Variants in KIAA1549L observed in about 807,000 individuals in gnomAD.
The protein encoded by KIAA1549L is UPF0606 protein KIAA1549L.
In KIAA1549L, 88 loss-of-function variants were observed where a neutral mutation model predicts 160.7. That is an observed-to-expected ratio of 0.55 (90% CI 0.46 to 0.65). KIAA1549L has a LOEUF of 0.65. Ranked by LOEUF, KIAA1549L falls within the 30% of genes least tolerant of loss-of-function variation. The pLI, the probability that KIAA1549L is intolerant of heterozygous loss-of-function variation, is 0.00. For missense variants in KIAA1549L, 2,258 were observed against 2,437.5 expected, an observed-to-expected ratio of 0.93 and a Z score of 1.55; for synonymous variants, 950 against 976.7, an observed-to-expected ratio of 0.97 and a Z score of 0.51.
At chr11:33,530,496 A>G (rs1853744781) in intron 1 of KIAA1549L, among the ~76,000 whole-genome samples, 1 of 133,142 alleles carries the variant, frequency 7.5e-6, no homozygotes, top group Non-Finnish European at 1.6e-5. Context: ...CAAGATTTGC[A>G]AGTACCACTG....
intron 4 of KIAA1549L, among the ~76,000 whole-genome samples, chr11:33,548,417 A>C (rs1419304778): frequency 6.6e-6 from 1 of 152,136 alleles, no homozygotes; most frequent in Non-Finnish European, 1.5e-5. Context: ...ACACACAAAC[A>C]AACAAACAAG....
intron 15 of KIAA1549L, among the ~76,000 whole-genome samples, chr11:33,614,535 T>TATATAC (rs1850730928): frequency 6.7e-4 from 2 of 2,972 alleles, no homozygotes; most frequent in African/African-American, 1.5e-3. Flanking sequence ...TAACAAGATA[T>TATATAC]ATATATATAT....
At position 33,518,571 on chromosome 11, in the gene KIAA1549L, T is replaced by A. The variant is rs183449797; in HGVS notation, c.239-23231T>A. ...TCAAGGAAAGTTGGCTCTGGCTTTG[T>A]CCCTTGTATAGTGGCTGTAAACCTA... On this transcript the variant is annotated intron_variant, in intron 1 of 20. Coordinates refer to ENST00000658780, the MANE Select transcript of KIAA1549L (RefSeq NM_012194.3). 2.8e-3 allele frequency among the ~76,000 whole-genome samples: 425 copies of A among 152,346 alleles called. 3 individuals are homozygous for A. The highest frequency in any genetic ancestry group is 9.7e-3 in the African/African-American group (405 of 41,590).
rs558002248 is a variant in KIAA1549L at position 33,541,033 on chromosome 11, G to A, written c.239-769G>A. On this transcript the variant is annotated intron_variant, in intron 1 of 20. Transcript: ENST00000658780. ...ATTTTTCAGAATATTGCCTAATTCAGAGTGAACTTCTAGCTTTCCAAGAGT... is the reference window on the plus strand; with the variant it reads ...ATTTTTCAGAATATTGCCTAATTCAAAGTGAACTTCTAGCTTTCCAAGAGT... 1.4e-4 allele frequency among the ~76,000 whole-genome samples: 22 copies of A among 152,328 alleles called. No individual in the cohort carries two copies. In the South Asian group the frequency reaches 4.4e-3, roughly 30 times the overall value.
At chr11:33,446,863 G>C (rs982252785) in intron 1 of KIAA1549L, among the ~76,000 whole-genome samples, 1 of 150,542 alleles carries the variant, frequency 6.6e-6, no homozygotes, top group Non-Finnish European at 1.5e-5. Flanking sequence ...TTATGGCTTA[G>C]CCTCAGAAGC....
chr11:33,595,444 G>C (rs1439831974), intron 12 of KIAA1549L, among the ~76,000 whole-genome samples: 1 of 152,000 alleles, frequency 6.6e-6, no homozygotes, highest in Non-Finnish European at 1.5e-5. Flanking sequence ...GGCCAGGCTG[G>C]TCTCAAACTC....
intron 1 of KIAA1549L, among the ~76,000 whole-genome samples, chr11:33,522,474 A>G (rs758351046): frequency 1.3e-5 from 2 of 152,258 alleles, no homozygotes; most frequent in Non-Finnish European, 2.9e-5. Flanking sequence ...GAAGAACATC[A>G]GTACCCACGA....
intron 15 of KIAA1549L, among the ~76,000 whole-genome samples, chr11:33,615,043 C>G (rs1271923037): frequency 1.3e-5 from 2 of 152,154 alleles, no homozygotes; most frequent in African/African-American, 2.4e-5. Flanking sequence ...ACCCAAAACA[C>G]AAATCTACTC....
chr11:33,502,594 C>CT (rs1852977619), intron 1 of KIAA1549L, among the ~76,000 whole-genome samples: 1 of 152,172 alleles, frequency 6.6e-6, no homozygotes, highest in South Asian at 2.1e-4. Context: ...AATGGGAAGA[C>CT]TGATATCTCC....
chr11:33,551,143 A>T lies in KIAA1549L; in HGVS notation c.3605A>T (p.Tyr1202Phe), dbSNP rs772829604. Reference sequence around the variant, plus strand: ...GTGGTGATCGAAATGCTGGGTGTGTATGGAGTCAGCAACGTCACTGCAGAC... The same window carrying T: ...GTGGTGATCGAAATGCTGGGTGTGTTTGGAGTCAGCAACGTCACTGCAGAC... ...PAVVIEMLGV[Y>F]GVSNVTADLK... The change falls in exon 5 of 21, where the codon TAT becomes TTT. Residue 1202 changes from tyrosine (Y) to phenylalanine (F), a missense_variant. By Grantham distance (22) the Tyr-to-Phe change is conservative. Coordinates refer to ENST00000658780, the MANE Select transcript of KIAA1549L (RefSeq NM_012194.3). The T allele has an allele frequency of 1.2e-6, 2 of 1,613,988 alleles. No homozygotes were observed. Among genetic ancestry groups the T allele is most frequent in the Non-Finnish European group, 1.7e-6 (2 of 1,179,874 alleles).
At chr11:33,627,484 C>G (rs11500270) in intron 16 of KIAA1549L, among the ~76,000 whole-genome samples, 6,230 of 151,434 alleles carry the variant, frequency 0.041, 409 homozygotes, top group African/African-American at 0.14. Context: ...GTTTAGTCTT[C>G]GGAGAGTGTA....
At chr11:33,510,433 C>T (rs1357130603) in intron 1 of KIAA1549L, among the ~76,000 whole-genome samples, 1 of 152,170 alleles carries the variant, frequency 6.6e-6, no homozygotes, top group Non-Finnish European at 1.5e-5. Flanking sequence ...GTGATCCACT[C>T]GTCTCGGCCT....
intron 13 of KIAA1549L, among the ~76,000 whole-genome samples, chr11:33,604,958 AAG>A (rs1292099644): frequency 6.6e-6 from 1 of 152,200 alleles, no homozygotes; most frequent in African/African-American, 2.4e-5. Flanking sequence ...AAGTTTAAAA[AAG>A]AGAAAAATGA....
intron 1 of KIAA1549L, among the ~76,000 whole-genome samples, chr11:33,534,502 C>T (rs773197117): frequency 5.3e-5 from 8 of 152,092 alleles, no homozygotes; most frequent in Non-Finnish European, 1.0e-4. Context: ...AAAGGAGAGA[C>T]ACTGGGGAGT....
intron 1 of KIAA1549L, among the ~76,000 whole-genome samples, chr11:33,401,098 C>T (rs1438385636): frequency 3.3e-5 from 5 of 151,866 alleles, no homozygotes; most frequent in Non-Finnish European, 7.4e-5. Flanking sequence ...TTGCTGTGGG[C>T]ATTACAGAGG....
intron 1 of KIAA1549L, among the ~76,000 whole-genome samples, chr11:33,450,357 A>T (rs962190420): frequency 1.2e-4 from 18 of 152,140 alleles, no homozygotes; most frequent in African/African-American, 4.3e-4. Context: ...CAGGAATTTG[A>T]GACCAGCCTC....
chr11:33,463,228 C>T (rs17252741), intron 1 of KIAA1549L, among the ~76,000 whole-genome samples: 6,007 of 152,294 alleles, frequency 0.039, 182 homozygotes, highest in Middle Eastern at 0.078. Context: ...ATACACGTCA[C>T]TTAGCACGTG....
At chr11:33,561,028 G>A (rs1331890721) in intron 7 of KIAA1549L, among the ~76,000 whole-genome samples, 1 of 152,186 alleles carries the variant, frequency 6.6e-6, no homozygotes, top group Non-Finnish European at 1.5e-5. Flanking sequence ...CTAACCATAT[G>A]CCAGGCAATG....
At chr11:33,464,507 T>TGTGTGTGTGTGC (rs1158051785) in intron 1 of KIAA1549L, among the ~76,000 whole-genome samples, 1 of 145,322 alleles carries the variant, frequency 6.9e-6, no homozygotes, top group Non-Finnish European at 1.5e-5. Context: ...TGTGTGTGTG[T>TGTGTGTGTGTGC]GTGTGCGTGC....
Sources: gnomAD v4.1 joint callset for allele counts (sites outside exome capture counted in the v4.1 genomes callset) on GRCh38, gnomAD v4.1.1 for gene constraint, MANE v1.5 for transcripts, NCBI Gene and HGNC (gene_info 2026-07-23, HGNC 2026-07-21) for gene names.